Variants in PCDHGC4 observed in about 807,000 individuals in gnomAD.
PCDHGC4 encodes protocadherin gamma subfamily C, 4.
Under a neutral mutation model 59.7 loss-of-function variants are expected in PCDHGC4, and 15 were observed. That is an observed-to-expected ratio of 0.25 (90% CI 0.17 to 0.39). PCDHGC4 has a LOEUF of 0.39. Ranked by LOEUF, PCDHGC4 falls within the 10% of genes least tolerant of loss-of-function variation. The pLI is 1.00. For missense variants in PCDHGC4, 1,016 were observed against 1,189.5 expected (o/e 0.85, Z 2.15); for synonymous variants, 434 against 481.4 (o/e 0.90, Z 1.29).
In PCDHGC4 at chr5:141,485,101, T is replaced by C; in HGVS notation, c.-73T>C. On this transcript the variant is annotated 5_prime_UTR_variant, in exon 1 of 4. Coordinates refer to ENST00000306593, the MANE Select transcript of PCDHGC4 (RefSeq NM_018928.3). The surrounding 1 kb of genome is among the most constrained non-coding windows in gnomAD (Gnocchi z 5.7). ...GGAAAGGGAGATAGGTGTCTCCAGC[T>C]GCTGTGGCTGTTTGGGGCGGGTCGG... 1 of 1,158,208 alleles carries C rather than the reference T, an allele frequency of 8.6e-7. No homozygotes were observed. Among genetic ancestry groups the C allele is most frequent in the South Asian group, 1.4e-5 (1 of 72,622 alleles). The allele number at this position is 1,158,208 out of a possible 1,614,324, so 71.7% of individuals were successfully genotyped here.
Position 141,487,931 on chromosome 5 carries a change from G to A in PCDHGC4, c.2442+316G>A. The stretch of plus-strand genomic sequence containing the variant: ...AGCACAGGAGGCTACAGTGCACAGG[G>A]TACAGTGCACCAGGCAGTCACTTGG... On this transcript the variant is annotated intron_variant, in intron 1 of 3. Transcript: ENST00000306593. The surrounding 1 kb of genome is among the most constrained non-coding windows in gnomAD (Gnocchi z 5.0). The A allele has an allele frequency of 1.6e-6, 1 of 612,954 alleles. No homozygotes were observed. The highest frequency in any genetic ancestry group is 2.8e-6 in the Non-Finnish European group (1 of 351,318). 38.0% of individuals were successfully genotyped at this position (612,954 alleles called of 1,614,324 possible). A position where few individuals can be genotyped will look rare whatever the true frequency, so the allele number is the denominator to read the frequency against.
rs768938171 is a variant in PCDHGC4 at position 141,487,276 on chromosome 5, C to T, written c.2103C>T (p.Cys701=). ...LYLAVSLVAI[C]FVSFGSFVAL... ...TGGCTGTGTCCCTAGTGGCAATTTG[C>T]TTTGTCTCCTTTGGCTCATTCGTGG... Residue 701 remains cysteine, a synonymous_variant, in exon 1 of 4, where the codon TGC becomes TGT. Transcript: ENST00000306593. The surrounding 1 kb of genome is among the most constrained non-coding windows in gnomAD (Gnocchi z 5.0). The T allele has an allele frequency of 2.5e-6, 4 of 1,614,158 alleles. No homozygotes were observed. The East Asian group carries it at 8.9e-5, about 36-fold the overall frequency.
rs373728953 is a variant in PCDHGC4 at position 141,491,753 on chromosome 5, C to A, written c.2443-3054C>A. The A allele has an allele frequency of 6.3e-7, 1 of 1,585,146 alleles. No homozygotes were observed. The highest frequency in any genetic ancestry group is 8.6e-7 in the Non-Finnish European group (1 of 1,166,912). On this transcript the variant is annotated intron_variant, in intron 1 of 3. Transcript: ENST00000306593. This position sits in a 1 kb window ranked among gnomAD's most constrained non-coding sequence, Gnocchi z 6.9. The stretch of plus-strand genomic sequence containing the variant: ...ACCCCTGGGGGCGGCACTGGAGAAG[C>A]CGCCCGTCCTCATAAGGGATTGAAC...
chr5:141,511,374 CA>C lies in PCDHGC4; in HGVS notation c.*202del. ...CCCCAGGGGGTTGAATATGCAAAAG[CA>C]GTTCCGCTGGGAACCCCCATCCAAT... On this transcript the variant is annotated 3_prime_UTR_variant, in exon 4 of 4. Coordinates refer to ENST00000306593, the MANE Select transcript of PCDHGC4 (RefSeq NM_018928.3). The C allele has an allele frequency of 8.0e-7, 1 of 1,242,392 alleles. No individual in the cohort carries two copies. 77.0% of individuals were successfully genotyped at this position (1,242,392 alleles called of 1,614,324 possible).
intron 1 of PCDHGC4, among the ~76,000 whole-genome samples, chr5:141,492,862 G>A (rs2099744602): frequency 6.6e-6 from 1 of 152,198 alleles, no homozygotes. Context: ...GAGCGCCCTG[G>A]CTCTCAACCC....
chr5:141,511,320 A>G lies in PCDHGC4; in HGVS notation c.*147A>G. ...CATGCTCCCCTTGGGAAACAGAAAC[A>G]AGTGCCCAGTCAGCACCTACCCCTT... On this transcript the variant is annotated 3_prime_UTR_variant, in exon 4 of 4. Transcript: ENST00000306593. 6.8e-7 allele frequency: 1 copy of G among 1,475,678 alleles called. No homozygotes were observed. The highest frequency in any genetic ancestry group is 1.4e-5 in the South Asian group (1 of 72,746). 91.4% of individuals were successfully genotyped at this position (1,475,678 alleles called of 1,614,324 possible).
Position 141,511,309 on chromosome 5 carries a change from G to C in PCDHGC4, c.*136G>C. The stretch of plus-strand genomic sequence containing the variant: ...GGGGCCAAGGCCATGCTCCCCTTGG[G>C]AAACAGAAACAAGTGCCCAGTCAGC... On this transcript the variant is annotated 3_prime_UTR_variant, in exon 4 of 4. Coordinates refer to ENST00000306593, the MANE Select transcript of PCDHGC4 (RefSeq NM_018928.3). 4.0e-6 allele frequency: 6 copies of C among 1,485,470 alleles called. No homozygotes were observed. Among genetic ancestry groups the C allele is most frequent in the Non-Finnish European group, 4.5e-6 (5 of 1,113,432 alleles). 92.0% of individuals were successfully genotyped at this position (1,485,470 alleles called of 1,614,324 possible).
intron 2 of PCDHGC4, among the ~76,000 whole-genome samples, chr5:141,500,136 A>G (rs966215589): frequency 6.6e-6 from 1 of 151,606 alleles, no homozygotes; most frequent in African/African-American, 2.4e-5. Flanking sequence ...ATATCTTTCT[A>G]AACTTTTCTT....
Position 141,491,627 on chromosome 5 carries a change from A to C in PCDHGC4, c.2443-3180A>C. On this transcript the variant is annotated intron_variant, in intron 1 of 3. Transcript: ENST00000306593. The surrounding 1 kb of genome is among the most constrained non-coding windows in gnomAD (Gnocchi z 6.9). ...ACTTTTCTAAGACCCCTCAGCGTTC[A>C]GCAGCCCACAGCTCTGGCGCTGGAG... 6.2e-7 allele frequency: 1 copy of C among 1,613,924 alleles called. No homozygotes were observed. The highest frequency in any genetic ancestry group is 8.5e-7 in the Non-Finnish European group (1 of 1,180,026).
rs2233613 is a variant in PCDHGC4 at position 141,511,203 on chromosome 5, G to A, written c.*30G>A. 0.14 allele frequency: 222,603 copies of A among 1,611,360 alleles called. 15,640 individuals carry two copies. The highest frequency in any genetic ancestry group is 0.18 in the Admixed American group (10,873 of 59,374). ...GAGGCCAGGCCAAGAGCCACAGGGC[G>A]GCCTCTCCCCAACCAGCCCAGCTTC... On this transcript the variant is annotated 3_prime_UTR_variant, in exon 4 of 4. Transcript: ENST00000306593.
chr5:141,507,716 C>T (rs567867232), intron 3 of PCDHGC4, among the ~76,000 whole-genome samples: 1 of 152,372 alleles, frequency 6.6e-6, no homozygotes, highest in South Asian at 2.1e-4. Flanking sequence ...CCCAAACCCT[C>T]CAAGCAAGTC....
intron 2 of PCDHGC4, among the ~76,000 whole-genome samples, chr5:141,500,148 G>A (rs936567158): frequency 6.6e-6 from 1 of 150,990 alleles, no homozygotes; most frequent in Non-Finnish European, 1.5e-5. Flanking sequence ...ACTTTTCTTT[G>A]TGTAATCAAA....
Position 141,510,979 on chromosome 5 carries a change from G to A in PCDHGC4, c.2623G>A (p.Gly875Ser). 6.2e-7 allele frequency: 1 copy of A among 1,614,156 alleles called. No homozygotes were observed. The highest frequency in any genetic ancestry group is 8.5e-7 in the Non-Finnish European group (1 of 1,180,018). Reference sequence around the variant, plus strand: ...TGATGGGAGCTCCACCCTGGGAGGGGGTGCCGGCACCATGGGATTGAGCGC... The same window carrying A: ...TGATGGGAGCTCCACCCTGGGAGGGAGTGCCGGCACCATGGGATTGAGCGC... ...AADGSSTLGG[G>S]AGTMGLSARY... The change falls in exon 4 of 4, where the codon GGT becomes AGT. Residue 875 changes from glycine (G) to serine (S), a missense_variant. Physicochemically the swap from Gly to Ser is moderately conservative, Grantham distance 56. Transcript: ENST00000306593.
rs1199756501 is a variant in PCDHGC4 at position 141,493,222 on chromosome 5, C to A, written c.2443-1585C>A. Among the ~76,000 whole-genome samples the A allele has an allele frequency of 6.6e-6, 1 of 152,194 alleles. No individual in the cohort carries two copies. Among genetic ancestry groups the A allele is most frequent in the East Asian group, 1.9e-4 (1 of 5,196 alleles). ...ACCTCATCTCATTTGCTCTTCCCAC[C>A]ATTGCTGTTGGCTAGGTACTAACAT... On this transcript the variant is annotated intron_variant, in intron 1 of 3. Coordinates refer to ENST00000306593, the MANE Select transcript of PCDHGC4 (RefSeq NM_018928.3). This position sits in a 1 kb window ranked among gnomAD's most constrained non-coding sequence, Gnocchi z 4.3.
At position 141,491,458 on chromosome 5, in the gene PCDHGC4, G is replaced by T. The variant is rs867069360; in HGVS notation, c.2443-3349G>T. 1.9e-6 allele frequency: 3 copies of T among 1,613,974 alleles called. No homozygotes were observed. The highest frequency in any genetic ancestry group is 1.6e-4 in the Middle Eastern group (1 of 6,084). On this transcript the variant is annotated intron_variant, in intron 1 of 3. Coordinates refer to ENST00000306593, the MANE Select transcript of PCDHGC4 (RefSeq NM_018928.3). This position sits in a 1 kb window ranked among gnomAD's most constrained non-coding sequence, Gnocchi z 6.9. ...CAGGCGCCAGGACTCACCCTCCCCGGACTTCTATAAGCAGTCCAGCCCCAA... is the reference window on the plus strand; with the variant it reads ...CAGGCGCCAGGACTCACCCTCCCCGTACTTCTATAAGCAGTCCAGCCCCAA...
chr5:141,507,202 C>G (rs2099859138), intron 3 of PCDHGC4: 1 of 152,356 alleles, frequency 6.6e-6, no homozygotes, highest in Non-Finnish European at 1.5e-5. Flanking sequence ...TCTTCCAGAT[C>G]AGGGTTGCCA....
Position 141,512,559 on chromosome 5 carries a change from C to T in PCDHGC4, c.*1386C>T, listed in dbSNP as rs1396321304. The T allele has an allele frequency of 6.5e-6, 1 of 152,904 alleles. No individual in the cohort carries two copies. The highest frequency in any genetic ancestry group is 1.5e-5 in the Non-Finnish European group (1 of 68,438). The allele number at this position is 152,904 out of a possible 1,614,324, so 9.5% of individuals were successfully genotyped here. ...CCCCAGTGCCTCCTTGTGCATAGAC[C>T]TTCTTCTCCCACCCCCTTCTGCCCC... On this transcript the variant is annotated 3_prime_UTR_variant, in exon 4 of 4. Coordinates refer to ENST00000306593, the MANE Select transcript of PCDHGC4 (RefSeq NM_018928.3).
In PCDHGC4 at chr5:141,511,405, T is replaced by C. The variant is rs1274658643; in HGVS notation, c.*232T>C. The C allele has an allele frequency of 2.2e-5, 21 of 944,066 alleles. No homozygotes were observed. In the East Asian group the frequency reaches 5.8e-4, roughly 26 times the overall value. 58.5% of individuals were successfully genotyped at this position (944,066 alleles called of 1,614,324 possible). On this transcript the variant is annotated 3_prime_UTR_variant, in exon 4 of 4. Transcript: ENST00000306593. ...CGCTGGGAACCCCCATCCAATCAACTGCTGTACCCATGGGGGTAGTGGGGT... is the reference window on the plus strand; with the variant it reads ...CGCTGGGAACCCCCATCCAATCAACCGCTGTACCCATGGGGGTAGTGGGGT...
rs371964437 is a variant in PCDHGC4, at chr5:141,511,404, C to T, written c.*231C>T. On this transcript the variant is annotated 3_prime_UTR_variant, in exon 4 of 4. Coordinates refer to ENST00000306593, the MANE Select transcript of PCDHGC4 (RefSeq NM_018928.3). ...CCGCTGGGAACCCCCATCCAATCAA[C>T]TGCTGTACCCATGGGGGTAGTGGGG... The T allele has an allele frequency of 7.7e-5, 73 of 947,014 alleles. No individual in the cohort carries two copies. In the East Asian group the frequency reaches 1.8e-3, roughly 23 times the overall value. The allele number at this position is 947,014 out of a possible 1,614,324, so 58.7% of individuals were successfully genotyped here.
Sources: gnomAD v4.1 joint callset for allele counts (sites outside exome capture counted in the v4.1 genomes callset) on GRCh38, gnomAD v4.1.1 for gene constraint, Gnocchi (gnomAD v3.1) non-coding constraint, MANE v1.5 for transcripts, NCBI Gene and HGNC (gene_info 2026-07-23, HGNC 2026-07-21) for gene names.